Variants in WDR33 observed in about 807,000 individuals in gnomAD.
The protein encoded by WDR33 is pre-mRNA 3' end processing protein WDR33.
Under a neutral mutation model 164.9 loss-of-function variants are expected in WDR33, and 47 were observed. The ratio of observed to expected loss-of-function variants is 0.29; its 90% CI spans 0.23 to 0.36. WDR33 has a LOEUF of 0.36. Ranked by LOEUF, WDR33 falls within the 10% of genes least tolerant of loss-of-function variation. WDR33 has a pLI of 1.00. For synonymous variants in WDR33, 505 were observed against 589.0 expected, an observed-to-expected ratio of 0.86 and a Z score of 2.06; for missense variants, 1,137 against 1,754.1, an observed-to-expected ratio of 0.65 and a Z score of 6.28.
intron 1 of WDR33, among the ~76,000 whole-genome samples, chr2:127,807,059 A>G (rs1047242830): frequency 6.6e-6 from 1 of 152,120 alleles, no homozygotes; most frequent in African/African-American, 2.4e-5. Flanking sequence ...AGGCTGAAGT[A>G]CAATGCGCAA....
rs542734990 is a variant in WDR33 at position 127,704,201 on chromosome 2, G to A, written c.*2122C>T. 43 of 166,382 alleles carry A rather than the reference G, an allele frequency of 2.6e-4. No homozygotes were observed. Among genetic ancestry groups the A allele is most frequent in the African/African-American group, 9.7e-4 (40 of 41,252 alleles). 10.3% of individuals were successfully genotyped at this position (166,382 alleles called of 1,614,324 possible). On this transcript the variant is annotated 3_prime_UTR_variant, in exon 22 of 22. Coordinates refer to ENST00000322313, the MANE Select transcript of WDR33 (RefSeq NM_018383.5). ...AATCACAACATCTAGTATGTATGCTGACAGTGATGTTTTTAAATGCCATAT... is the reference window on the plus strand; with the variant it reads ...AATCACAACATCTAGTATGTATGCTAACAGTGATGTTTTTAAATGCCATAT...
At chr2:127,769,104 TA>T in intron 2 of WDR33, 103 bp from the exon 3 acceptor site, 1 of 599,922 alleles carries the variant, frequency 1.7e-6, no homozygotes, top group Non-Finnish European at 2.3e-6. Context: ...TAAGCTATAT[TA>T]AAAATGGATA....
At position 127,702,252 on chromosome 2, in the gene WDR33, T is replaced by C. The variant is rs1331594300; in HGVS notation, c.*4071A>G. The C allele has an allele frequency of 1.7e-6, 2 of 1,156,888 alleles. No individual in the cohort carries two copies. Among genetic ancestry groups the C allele is most frequent in the East Asian group, 4.1e-5 (1 of 24,446 alleles). 71.7% of individuals were successfully genotyped at this position (1,156,888 alleles called of 1,614,324 possible). On this transcript the variant is annotated 3_prime_UTR_variant, in exon 22 of 22. Coordinates refer to ENST00000322313, the MANE Select transcript of WDR33 (RefSeq NM_018383.5). ...AGACCGCGCCGGCCGAGCTGAGGAC[T>C]GCACGCCGCTGTGCGGAAGCCCGTG...
chr2:127,712,087 CAAG>C lies in WDR33; in HGVS notation c.3308+1493_3308+1495del, dbSNP rs775776492. Among the ~76,000 whole-genome samples the C allele has an allele frequency of 8.7e-4, 132 of 151,832 alleles. No homozygotes were observed. Among genetic ancestry groups the C allele is most frequent in the Non-Finnish European group, 1.7e-3 (116 of 67,908 alleles). On this transcript the variant is annotated intron_variant, in intron 18 of 21. Transcript: ENST00000322313. This position sits in a 1 kb window ranked among gnomAD's most constrained non-coding sequence, Gnocchi z 4.0. Reference sequence around the variant, plus strand: ...GTGCCCGGCCTTAACCATCTATTCACAAGAAGAGTAAGAAATGGAATGAAAGGA... The same window carrying C: ...GTGCCCGGCCTTAACCATCTATTCACAAGAGTAAGAAATGGAATGAAAGGA...
rs1439159699 is a variant in WDR33, at chr2:127,701,752, AGCGGCTG to A, written c.*4564_*4570del. 3 of 1,418,342 alleles carry A rather than the reference AGCGGCTG, an allele frequency of 2.1e-6. No individual in the cohort carries two copies. Among genetic ancestry groups the A allele is most frequent in the African/African-American group, 1.5e-5 (1 of 66,778 alleles). 87.9% of individuals were successfully genotyped at this position (1,418,342 alleles called of 1,614,324 possible). On this transcript the variant is annotated 3_prime_UTR_variant, in exon 22 of 22. Coordinates refer to ENST00000322313, the MANE Select transcript of WDR33 (RefSeq NM_018383.5). Reference sequence around the variant, plus strand: ...TGCCTCCCGAGCGTGACGCGCGGGCAGCGGCTGGCGGCGGGCGGCGGGTGCCTGCTGC... The same window carrying A: ...TGCCTCCCGAGCGTGACGCGCGGGCAGCGGCGGGCGGCGGGTGCCTGCTGC...
rs1469878027 is a variant in WDR33, at chr2:127,726,425, A to C, written c.851+226T>G. Among the ~76,000 whole-genome samples, 2 of 152,174 alleles carry C rather than the reference A, an allele frequency of 1.3e-5. No individual in the cohort carries two copies. The highest frequency in any genetic ancestry group is 2.4e-5 in the African/African-American group (1 of 41,426). On this transcript the variant is annotated intron_variant, in intron 8 of 21. Transcript: ENST00000322313. This position sits in a 1 kb window ranked among gnomAD's most constrained non-coding sequence, Gnocchi z 4.8. ...TCCTCCTCCCCACCCGTATATAACA[A>C]CCAAATTAAACTTAGGTCTATGTGG...
rs1192845021 is a variant in WDR33 at position 127,735,040 on chromosome 2, T to C, written c.725-8263A>G. ...CATGATAAATGGATTAGGTATTAGATATTTGGTGAACAGACATTCTAGACT... is the reference window on the plus strand; with the variant it reads ...CATGATAAATGGATTAGGTATTAGACATTTGGTGAACAGACATTCTAGACT... On this transcript the variant is annotated intron_variant, in intron 7 of 21. Transcript: ENST00000322313. This position sits in a 1 kb window ranked among gnomAD's most constrained non-coding sequence, Gnocchi z 4.3. Among the ~76,000 whole-genome samples, 3 of 152,220 alleles carry C rather than the reference T, an allele frequency of 2.0e-5. No homozygotes were observed. The highest frequency in any genetic ancestry group is 4.4e-5 in the Non-Finnish European group (3 of 68,024).
intron 1 of WDR33, among the ~76,000 whole-genome samples, chr2:127,806,629 A>G (rs1387635957): frequency 1.3e-5 from 2 of 152,088 alleles, no homozygotes; most frequent in Non-Finnish European, 2.9e-5. Context: ...GTAACCTAGA[A>G]TTAAACCAAC....
In WDR33 at chr2:127,703,475, T is replaced by C. The variant is rs1481581867; in HGVS notation, c.*2848A>G. On this transcript the variant is annotated 3_prime_UTR_variant, in exon 22 of 22. Transcript: ENST00000322313. ...CTGCTGCTTCCTCCAACCCCAAAATTTATGTTCCTAAGTAAGTCAGGTCCC... is the reference window on the plus strand; with the variant it reads ...CTGCTGCTTCCTCCAACCCCAAAATCTATGTTCCTAAGTAAGTCAGGTCCC... The C allele has an allele frequency of 6.0e-6, 1 of 167,012 alleles. No homozygotes were observed. Among genetic ancestry groups the C allele is most frequent in the African/African-American group, 2.4e-5 (1 of 41,402 alleles). The allele number at this position is 167,012 out of a possible 1,614,324, so 10.3% of individuals were successfully genotyped here. A position where few individuals can be genotyped will look rare whatever the true frequency, so the allele number is the denominator to read the frequency against.
At position 127,741,835 on chromosome 2, in the gene WDR33, G is replaced by A. The variant is rs1232801812; in HGVS notation, c.725-15058C>T. ...TTAAAAACAAACCAACTACAAAACA[G>A]GCTTCCTTGAAAAATGAAAAGATTA... On this transcript the variant is annotated intron_variant, in intron 7 of 21. Coordinates refer to ENST00000322313, the MANE Select transcript of WDR33 (RefSeq NM_018383.5). This position sits in a 1 kb window ranked among gnomAD's most constrained non-coding sequence, Gnocchi z 4.1. 2.0e-5 allele frequency among the ~76,000 whole-genome samples: 3 copies of A among 151,748 alleles called. No individual in the cohort carries two copies. Among genetic ancestry groups the A allele is most frequent in the Non-Finnish European group, 4.4e-5 (3 of 67,960 alleles).
intron 7 of WDR33, among the ~76,000 whole-genome samples, chr2:127,740,331 G>A (rs956466578): frequency 1.4e-5 from 2 of 146,810 alleles, no homozygotes; most frequent in Non-Finnish European, 1.5e-5. Flanking sequence ...ACTTTGGGAG[G>A]GATTTGTATT....
chr2:127,761,286 C>T (rs933545712), intron 7 of WDR33, among the ~76,000 whole-genome samples: 5 of 151,988 alleles, frequency 3.3e-5, no homozygotes, highest in African/African-American at 1.2e-4. Flanking sequence ...CTGCAAGCTC[C>T]GCCACCTGGA....
chr2:127,799,328 A>G (rs929619238), intron 1 of WDR33, among the ~76,000 whole-genome samples: 1 of 152,132 alleles, frequency 6.6e-6, no homozygotes, highest in Non-Finnish European at 1.5e-5. Flanking sequence ...ATGACTTGGG[A>G]AAAAAAGTTA....
intron 18 of WDR33, among the ~76,000 whole-genome samples, chr2:127,711,152 C>T (rs1431348170): frequency 1.3e-5 from 2 of 152,174 alleles, no homozygotes; most frequent in Non-Finnish European, 2.9e-5. Flanking sequence ...TGGCCGGGCA[C>T]AGTGGCTCAC....
At chr2:127,725,297 AATCAAG>A (rs1263261406) in intron 8 of WDR33, 82 bp from the exon 9 acceptor site, 3 of 1,383,812 alleles carry the variant, frequency 2.2e-6, no homozygotes, top group Non-Finnish European at 1.9e-6. Context: ...AAAGCGAATT[AATCAAG>A]ATGGCAAGAG....
At chr2:127,788,505 G>T (rs1688700700) in intron 1 of WDR33, among the ~76,000 whole-genome samples, 3 of 127,794 alleles carry the variant, frequency 2.3e-5, no homozygotes, top group East Asian at 2.5e-4. Context: ...GGACGGGGCG[G>T]CTGGCCGGGT....
chr2:127,765,880 A>G (rs777958088), intron 4 of WDR33, among the ~76,000 whole-genome samples: 76 of 152,162 alleles, frequency 5.0e-4, no homozygotes, highest in Non-Finnish European at 7.8e-4. Context: ...AAAAAAAACC[A>G]TAATAGTGCC....
chr2:127,784,665 G>GA (rs1281405948), intron 1 of WDR33, among the ~76,000 whole-genome samples: 1 of 152,152 alleles, frequency 6.6e-6, no homozygotes, highest in South Asian at 2.1e-4. Flanking sequence ...ACACGTGTGA[G>GA]CCACTGTGCA....
intron 18 of WDR33, among the ~76,000 whole-genome samples, chr2:127,711,487 A>G (rs1686160053): frequency 1.3e-5 from 2 of 151,296 alleles, no homozygotes; most frequent in South Asian, 2.1e-4. Context: ...CAGAGATTCA[A>G]TAAGTCAGTG....
Sources: gnomAD v4.1 joint callset for allele counts (sites outside exome capture counted in the v4.1 genomes callset) on GRCh38, gnomAD v4.1.1 for gene constraint, Gnocchi (gnomAD v3.1) non-coding constraint, MANE v1.5 for transcripts, NCBI Gene and HGNC (gene_info 2026-07-23, HGNC 2026-07-21) for gene names.